The following CNGA1 variants were observed in gnomAD, a reference collection of about 807,000 sequenced individuals.
The protein encoded by CNGA1 is cyclic nucleotide gated channel subunit alpha 1, also known as cyclic nucleotide-gated channel alpha-1.
A neutral mutation model predicts 69.7 loss-of-function variants in CNGA1; 53 were observed. The observed-to-expected ratio is 0.76, with a 90% CI of 0.61 to 0.96. The LOEUF (loss-of-function observed/expected upper bound fraction) is 0.96. Among genes scored for constraint, CNGA1 ranks in the 40% least tolerant of loss-of-function variants. The probability of loss-of-function intolerance (pLI) is 0.00; values close to 1 mark genes in which losing one functional copy is unlikely to be tolerated. For synonymous variants in CNGA1, 249 were observed against 283.5 expected, an observed-to-expected ratio of 0.88 and a Z score of 1.22; for missense variants, 739 against 811.2, an observed-to-expected ratio of 0.91 and a Z score of 1.08.
intron 1 of CNGA1, among the ~76,000 whole-genome samples, chr4:48,011,412 T>TACACAC (rs60964628): frequency 2.6e-4 from 39 of 150,496 alleles, no homozygotes; most frequent in African/African-American, 3.9e-4. Flanking sequence ...CATGCACACA[T>TACACAC]ACACACACAC....
At chr4:47,966,916 A>G (rs1190234226) in intron 3 of CNGA1, among the ~76,000 whole-genome samples, 3 of 152,228 alleles carry the variant, frequency 2.0e-5, no homozygotes, top group African/African-American at 7.2e-5. Flanking sequence ...GCATTTTCCA[A>G]AATTCAACAC....
At chr4:47,993,091 G>A (rs193178851) in intron 2 of CNGA1, among the ~76,000 whole-genome samples, 19 of 152,196 alleles carry the variant, frequency 1.2e-4, no homozygotes, top group African/African-American at 4.1e-4. Context: ...GATTCGGTTA[G>A]CTAGTATTTT....
At chr4:47,951,797 T>C (rs939253419) in intron 4 of CNGA1, among the ~76,000 whole-genome samples, 24 of 152,246 alleles carry the variant, frequency 1.6e-4, no homozygotes, top group Admixed American at 6.5e-5. Flanking sequence ...TATACCTTTG[T>C]GTGAACTAGT....
intron 2 of CNGA1, among the ~76,000 whole-genome samples, chr4:47,995,728 T>A (rs930441357): frequency 6.6e-6 from 1 of 152,078 alleles, no homozygotes; most frequent in Non-Finnish European, 1.5e-5. Context: ...ATTGTTTTTT[T>A]ATATTACCAG....
chr4:47,965,736 T>C (rs1740691989), intron 3 of CNGA1, among the ~76,000 whole-genome samples: 1 of 152,152 alleles, frequency 6.6e-6, no homozygotes, highest in South Asian at 2.1e-4. Flanking sequence ...CCTGATAAGT[T>C]ATTCTTTTTA....
In CNGA1 at chr4:47,936,396, C is replaced by T; in HGVS notation, c.*25G>A. ...GATCAAAAGGATCATGAGGCATGTC[C>T]CTGTTAATGACCAGCTTTTCGGTTC... On this transcript the variant is annotated 3_prime_UTR_variant, in exon 11 of 11. Coordinates refer to ENST00000514170, the MANE Select transcript of CNGA1 (RefSeq NM_001379270.1). The T allele has an allele frequency of 6.2e-7, 1 of 1,610,052 alleles. No homozygotes were observed. The highest frequency in any genetic ancestry group is 8.5e-7 in the Non-Finnish European group (1 of 1,176,404).
At position 48,015,711 on chromosome 4, in the gene CNGA1, G is replaced by A. The variant is rs142247196; in HGVS notation, c.-223+772C>T. 1.5e-3 allele frequency among the ~76,000 whole-genome samples: 226 copies of A among 151,788 alleles called. 1 individual carries two copies. The highest frequency in any genetic ancestry group is 5.1e-3 in the African/African-American group (212 of 41,360). ...TCCACCTCCTGGGCTCAAGTCATCCGTCCTCCCACCTCAGCCTCCTGAGTA... is the reference window on the plus strand; with the variant it reads ...TCCACCTCCTGGGCTCAAGTCATCCATCCTCCCACCTCAGCCTCCTGAGTA... On this transcript the variant is annotated intron_variant, in intron 1 of 10. Coordinates refer to ENST00000514170, the MANE Select transcript of CNGA1 (RefSeq NM_001379270.1).
chr4:47,995,358 T>A (rs1165919387), intron 2 of CNGA1, among the ~76,000 whole-genome samples: 1 of 152,168 alleles, frequency 6.6e-6, no homozygotes, highest in Non-Finnish European at 1.5e-5. Context: ...TTATTCTTTT[T>A]TGTCTTTGTT....
chr4:47,960,982 T>C (rs1479856519), intron 3 of CNGA1, among the ~76,000 whole-genome samples: 1 of 152,196 alleles, frequency 6.6e-6, no homozygotes, highest in Non-Finnish European at 1.5e-5. Flanking sequence ...AGTGTATACA[T>C]AGATCAAAAA....
intron 3 of CNGA1, among the ~76,000 whole-genome samples, chr4:47,967,603 A>G (rs977716823): frequency 3.3e-5 from 5 of 152,246 alleles, no homozygotes; most frequent in African/African-American, 1.2e-4. Context: ...TGAATTTAGC[A>G]AGGTCACAGG....
chr4:47,976,296 C>T (rs200557481), intron 3 of CNGA1, among the ~76,000 whole-genome samples: 2 of 28,158 alleles, frequency 7.1e-5, no homozygotes, highest in Non-Finnish European at 7.1e-5. Context: ...TATATATATA[C>T]ACATACATAT....
chr4:47,983,420 C>T (rs1741833292), intron 2 of CNGA1, among the ~76,000 whole-genome samples: 1 of 151,898 alleles, frequency 6.6e-6, no homozygotes, highest in Non-Finnish European at 1.5e-5. Context: ...GAAACCCTGT[C>T]TCTACTAAAA....
chr4:48,013,061 G>GTTT (rs1715238416), intron 1 of CNGA1: 2 of 152,162 alleles, frequency 1.3e-5, no homozygotes, highest in South Asian at 4.1e-4. Context: ...CTCCAAAAAA[G>GTTT]AGAAGTTGTA....
intron 6 of CNGA1, among the ~76,000 whole-genome samples, chr4:47,943,648 G>C (rs1739227146): frequency 6.6e-6 from 1 of 152,104 alleles, no homozygotes; most frequent in Non-Finnish European, 1.5e-5. Flanking sequence ...GAAACAAATG[G>C]AGATGAATAA....
intron 3 of CNGA1, among the ~76,000 whole-genome samples, chr4:47,954,919 G>T (rs1739970402): frequency 6.6e-6 from 1 of 152,128 alleles, no homozygotes; most frequent in East Asian, 1.9e-4. Flanking sequence ...GGGACCTTTA[G>T]GCTATATTCA....
intron 3 of CNGA1, among the ~76,000 whole-genome samples, chr4:47,955,080 T>A (rs1395868767): frequency 7.2e-5 from 11 of 152,154 alleles, no homozygotes; most frequent in Admixed American, 7.2e-4. Flanking sequence ...TTTTGTTACT[T>A]AACAGTTTTG....
chr4:47,958,295 G>T (rs1442356429), intron 3 of CNGA1, among the ~76,000 whole-genome samples: 1 of 151,970 alleles, frequency 6.6e-6, no homozygotes, highest in Non-Finnish European at 1.5e-5. Context: ...AATCCTATTT[G>T]GCCTTCAAAA....
At chr4:47,969,450 T>C (rs867757384) in intron 3 of CNGA1, among the ~76,000 whole-genome samples, 1 of 152,040 alleles carries the variant, frequency 6.6e-6, no homozygotes, top group Admixed American at 6.6e-5. Context: ...AACTCAGTTT[T>C]TTGTTTGTTT....
At chr4:47,953,996 TC>T (rs1001232184) in intron 3 of CNGA1, among the ~76,000 whole-genome samples, 3 of 151,226 alleles carry the variant, frequency 2.0e-5, no homozygotes, top group Admixed American at 2.0e-4. Context: ...AGCTGTCACG[TC>T]CCCCCCATCC....
Sources: gnomAD v4.1 joint callset for allele counts (sites outside exome capture counted in the v4.1 genomes callset) on GRCh38, gnomAD v4.1.1 for gene constraint, MANE v1.5 for transcripts, NCBI Gene and HGNC (gene_info 2026-07-23, HGNC 2026-07-21) for gene names.